SLC25A29: variants seen among roughly 807,000 people sequenced by gnomAD.
The protein encoded by SLC25A29 is mitochondrial basic amino acids transporter.
In SLC25A29, 13 loss-of-function variants were observed where a neutral mutation model predicts 10.0. The observed-to-expected ratio is 1.30, with a 90% CI of 0.85 to 2.07. The LOEUF (loss-of-function observed/expected upper bound fraction) is 2.07. SLC25A29 is among the 30% of genes most tolerant of loss of function. SLC25A29 has a pLI of 0.00. For synonymous variants in SLC25A29, 244 were observed against 221.1 expected, an observed-to-expected ratio of 1.10 and a Z score of -0.92; for missense variants, 475 against 447.6, an observed-to-expected ratio of 1.06 and a Z score of -0.55.
intron 2 of SLC25A29, among the ~76,000 whole-genome samples, chr14:100,297,095 A>G (rs1223552693): frequency 6.6e-6 from 1 of 152,218 alleles, no homozygotes; most frequent in Non-Finnish European, 1.5e-5. Context: ...TGACAGACAC[A>G]GACTCCATCT....
the SLC25A29 span, among the ~76,000 whole-genome samples, chr14:100,285,542 G>C: frequency 6.6e-6 from 1 of 151,896 alleles, no homozygotes; most frequent in Non-Finnish European, 1.5e-5. Context: ...GGGCTGTCCA[G>C]AATCCCTGAG....
At chr14:100,302,127 C>A (rs1449496576) in intron 1 of SLC25A29, among the ~76,000 whole-genome samples, 1 of 151,674 alleles carries the variant, frequency 6.6e-6, no homozygotes. Flanking sequence ...TTCACTGAAA[C>A]CTCCACCTCC....
chr14:100,286,974 G>A (rs2139636205), downstream of SLC25A29, among the ~76,000 whole-genome samples: 1 of 152,382 alleles, frequency 6.6e-6, no homozygotes, highest in East Asian at 1.9e-4. Flanking sequence ...TGCAAAATGG[G>A]GGTGCCAGCA....
At chr14:100,298,944 T>C in intron 1 of SLC25A29, 59 bp from the exon 2 acceptor site, 1 of 1,598,166 alleles carries the variant, frequency 6.3e-7, no homozygotes, top group African/African-American at 1.3e-5. Context: ...TGCAGGGTGC[T>C]GGGCAGGAGG....
At chr14:100,305,561 T>C (rs1892870330) in intron 1 of SLC25A29, 1 of 152,230 alleles carries the variant, frequency 6.6e-6, no homozygotes, top group Non-Finnish European at 1.5e-5. Flanking sequence ...GACAACTGCA[T>C]GGGAGGAACC....
chr14:100,300,099 C>A (rs1022026628), intron 1 of SLC25A29: 8 of 317,654 alleles, frequency 2.5e-5, no homozygotes, highest in Non-Finnish European at 3.6e-5. Flanking sequence ...GGTGAAACCC[C>A]GTCTCTACTA....
At chr14:100,295,175 C>A (rs2139702461) in intron 2 of SLC25A29, 1 of 162,928 alleles carries the variant, frequency 6.1e-6, no homozygotes, top group Non-Finnish European at 1.4e-5. Flanking sequence ...GCTTCTCCCA[C>A]CAATGTGGGC....
chr14:100,299,224 ATCC>A lies in SLC25A29; in HGVS notation c.35-342_35-340del, dbSNP rs1376490051. 6.9e-5 allele frequency: 80 copies of A among 1,152,080 alleles called. No individual in the cohort carries two copies. In the South Asian group the frequency reaches 1.8e-3, roughly 27 times the overall value. 71.4% of individuals were successfully genotyped at this position (1,152,080 alleles called of 1,614,324 possible). A position where few individuals can be genotyped will look rare whatever the true frequency, so the allele number is the denominator to read the frequency against. On this transcript the variant is annotated intron_variant, in intron 1 of 3. Transcript: ENST00000359232. ...AGGCTGCACACACTATTTCTGGGAT[ATCC>A]CATTAATCCAAACACCTGACATGGG... is the stretch of plus-strand genomic sequence containing the variant.
At chr14:100,283,096 T>C in the SLC25A29 span, among the ~76,000 whole-genome samples, 1 of 152,206 alleles carries the variant, frequency 6.6e-6, no homozygotes, top group Admixed American at 6.5e-5. Flanking sequence ...CAGCCGGACC[T>C]ATGAGCCCAT....
rs780354075 is a variant in SLC25A29 at position 100,298,839 on chromosome 14, C to G, written c.78+3G>C. The G allele has an allele frequency of 1.9e-5, 30 of 1,614,130 alleles. No homozygotes were observed. Among genetic ancestry groups the G allele is most frequent in the Non-Finnish European group, 2.0e-5 (24 of 1,180,066 alleles). ...AGGAAAAAAAAGCAGCGATGAGACT[C>G]ACCTTGACCGTGTCAAACGGGTGTC... is the stretch of plus-strand genomic sequence containing the variant. On this transcript the variant is annotated splice_donor_region_variant and intron_variant, in intron 2 of 3. Transcript: ENST00000359232.
chr14:100,303,224 G>C (rs1237539015), intron 1 of SLC25A29, among the ~76,000 whole-genome samples: 1 of 152,206 alleles, frequency 6.6e-6, no homozygotes, highest in Non-Finnish European at 1.5e-5. Context: ...GGAAGTATCT[G>C]GATTTCCCTC....
chr14:100,297,008 G>A (rs1229045655), intron 2 of SLC25A29, among the ~76,000 whole-genome samples: 1 of 152,104 alleles, frequency 6.6e-6, no homozygotes, highest in Non-Finnish European at 1.5e-5. Context: ...GGGGGGAACC[G>A]AGGCAGGAGA....
Position 100,293,443 on chromosome 14 carries a change from T to C in SLC25A29, c.79-66A>G. The C allele has an allele frequency of 2.0e-6, 3 of 1,474,926 alleles. No individual in the cohort carries two copies. In the South Asian group the frequency reaches 3.5e-5, roughly 17 times the overall value. 91.4% of individuals were successfully genotyped at this position (1,474,926 alleles called of 1,614,324 possible). ...CAGAGCACCCAGCTCCCGGGTCTGG[T>C]GCTTAGGCTGCCTAGGAGGGTCTCC... is the stretch of plus-strand genomic sequence containing the variant. On this transcript the variant is annotated intron_variant, in intron 2 of 3. Transcript: ENST00000359232.
In SLC25A29 at chr14:100,298,857, C is replaced by T. The variant is rs376570974; in HGVS notation, c.63G>A (p.Pro21=). 9.9e-6 allele frequency: 16 copies of T among 1,614,086 alleles called. No individual in the cohort carries two copies. The highest frequency in any genetic ancestry group is 8.0e-5 in the African/African-American group (6 of 74,926). The change falls in exon 2 of 4, where the codon CCG becomes CCA. Residue 21 remains proline, a synonymous_variant. Coordinates refer to ENST00000359232, the MANE Select transcript of SLC25A29 (RefSeq NM_001039355.3). ...GGVAGVLVGH[P]FDTVKVRLQV... is the part of the protein sequence containing the mutation. The stretch of plus-strand genomic sequence containing the variant: ...TGAGACTCACCTTGACCGTGTCAAA[C>T]GGGTGTCCCACAAGCACGCCTGCCA...
chr14:100,303,432 A>C (rs916075315), intron 1 of SLC25A29, among the ~76,000 whole-genome samples: 3 of 152,206 alleles, frequency 2.0e-5, no homozygotes, highest in African/African-American at 7.2e-5. Flanking sequence ...TGGGAGGGAG[A>C]GAGCAGAAAG....
intron 2 of SLC25A29, chr14:100,294,243 T>C (rs1229815379): frequency 6.6e-6 from 1 of 152,232 alleles, no homozygotes; most frequent in African/African-American, 2.4e-5. Flanking sequence ...ACAACCTCCT[T>C]GGGGACCCAC....
downstream of SLC25A29, among the ~76,000 whole-genome samples, chr14:100,287,925 C>T (rs920803437): frequency 1.3e-5 from 2 of 152,130 alleles, no homozygotes; most frequent in African/African-American, 2.4e-5. Context: ...CAGTGGCTCA[C>T]GGCCGTGGTC....
At chr14:100,293,792 A>G (rs373637227) in intron 2 of SLC25A29, 4 of 169,698 alleles carry the variant, frequency 2.4e-5, no homozygotes, top group Middle Eastern at 2.6e-3. Context: ...CTAATGTCCC[A>G]TCAGAGACTG....
intron 1 of SLC25A29, among the ~76,000 whole-genome samples, chr14:100,302,757 G>A (rs1167290728): frequency 1.3e-5 from 2 of 151,020 alleles, no homozygotes; most frequent in Admixed American, 1.3e-4. Flanking sequence ...TGCTGCAGAT[G>A]AGAAATCTGC....
Sources: allele counts gnomAD v4.1 joint callset (sites outside exome capture counted in the v4.1 genomes callset), GRCh38; gene constraint gnomAD v4.1.1; transcripts MANE v1.5; gene names NCBI Gene and HGNC (gene_info 2026-07-23, HGNC 2026-07-21).